Variants in AADAT observed in about 807,000 individuals in gnomAD.
The protein encoded by AADAT is kynurenine/alpha-aminoadipate aminotransferase, mitochondrial.
AADAT carries 25 observed loss-of-function variants against 56.2 expected under a neutral mutation model. That is an observed-to-expected ratio of 0.44 (90% CI 0.32 to 0.62). The LOEUF is 0.62. Ranked by LOEUF, AADAT falls within the 20% of genes least tolerant of loss-of-function variation. The probability of loss-of-function intolerance (pLI) is 0.04; values close to 1 mark genes in which losing one functional copy is unlikely to be tolerated. For missense variants in AADAT, 387 were observed against 510.5 expected, an observed-to-expected ratio of 0.76 and a Z score of 2.33; for synonymous variants, 173 against 164.7, an observed-to-expected ratio of 1.05 and a Z score of -0.39.
rs1731140109 is a variant in AADAT at position 170,060,401 on chromosome 4, C to T, written c.*527G>A. 1 of 152,158 alleles carries T rather than the reference C, an allele frequency of 6.6e-6. No homozygotes were observed. The highest frequency in any genetic ancestry group is 6.5e-5 in the Admixed American group (1 of 15,278). The allele number at this position is 152,158 out of a possible 1,614,324, so 9.4% of individuals were successfully genotyped here. ...TTATATACCATTTTGCACTTAATTA[C>T]TTCTTTAAAATCTCAAAATAATTCA... On this transcript the variant is annotated 3_prime_UTR_variant, in exon 13 of 13. Coordinates refer to ENST00000337664, the MANE Select transcript of AADAT (RefSeq NM_016228.4).
rs779949091 is a variant in AADAT, at chr4:170,087,265, A to C, written c.237-17T>G. 5.0e-6 allele frequency: 8 copies of C among 1,605,226 alleles called. No homozygotes were observed. The highest frequency in any genetic ancestry group is 6.8e-6 in the Non-Finnish European group (8 of 1,175,088). ...TCTGGAATTCTAAAGCAAAAAATGTATATTTAAATTCATAGTAGTAAAAAT... is the reference window on the plus strand; with the variant it reads ...TCTGGAATTCTAAAGCAAAAAATGTCTATTTAAATTCATAGTAGTAAAAAT... On this transcript the variant is annotated splice_polypyrimidine_tract_variant and intron_variant, in intron 2 of 12. Coordinates refer to ENST00000337664, the MANE Select transcript of AADAT (RefSeq NM_016228.4).
chr4:170,070,050 T>C (rs775532494), intron 6 of AADAT, among the ~76,000 whole-genome samples: 3 of 152,114 alleles, frequency 2.0e-5, no homozygotes, highest in African/African-American at 7.2e-5. Context: ...AGGACATAAA[T>C]GACAGGGTGG....
chr4:170,066,045 A>G (rs112985004), intron 10 of AADAT, among the ~76,000 whole-genome samples: 9,237 of 152,310 alleles, frequency 0.061, 380 homozygotes, highest in Non-Finnish European at 0.092. Flanking sequence ...TCAGTAAGAC[A>G]TCTGCCTTTG....
intron 1 of AADAT, 54 bp downstream of exon 1, chr4:170,089,570 G>C (rs767167033): frequency 5.0e-6 from 8 of 1,605,696 alleles, no homozygotes; most frequent in South Asian, 4.4e-5. Flanking sequence ...CCTCCTTAGA[G>C]GCTGTGCGAG....
Position 170,088,544 on chromosome 4 carries a change from G to C in AADAT, c.88C>G (p.Pro30Ala). 1 of 1,612,808 alleles carries C rather than the reference G, an allele frequency of 6.2e-7. No homozygotes were observed. The highest frequency in any genetic ancestry group is 8.5e-7 in the Non-Finnish European group (1 of 1,178,936). ...RTMTDILSRG[P>A]KSMISLAGGL... Reference sequence around the variant, plus strand: ...CCAGCCAAGGAGATCATCGATTTTGGTCCTCTGCTCAATATGTCAGCTACA... The same window carrying C: ...CCAGCCAAGGAGATCATCGATTTTGCTCCTCTGCTCAATATGTCAGCTACA... Residue 30 changes from proline (P) to alanine (A), a missense_variant, in exon 2 of 13, where the codon CCA becomes GCA. Pro to Ala is a conservative substitution (Grantham distance 27). Transcript: ENST00000337664.
At chr4:170,074,555 G>A (rs980009815) in intron 4 of AADAT, among the ~76,000 whole-genome samples, 1 of 152,060 alleles carries the variant, frequency 6.6e-6, no homozygotes, top group Non-Finnish European at 1.5e-5. Flanking sequence ...CACAAGCAGA[G>A]GTGATATTAA....
At chr4:170,085,664 A>T (rs1485093899) in intron 3 of AADAT, among the ~76,000 whole-genome samples, 1 of 152,196 alleles carries the variant, frequency 6.6e-6, no homozygotes, top group Non-Finnish European at 1.5e-5. Flanking sequence ...TTATTTCATT[A>T]AAAAATACTC....
At position 170,060,647 on chromosome 4, in the gene AADAT, A is replaced by G. The variant is rs1187088192; in HGVS notation, c.*281T>C. The G allele has an allele frequency of 3.6e-6, 1 of 276,978 alleles. No homozygotes were observed. Among genetic ancestry groups the G allele is most frequent in the Admixed American group, 5.2e-5 (1 of 19,124 alleles). The allele number at this position is 276,978 out of a possible 1,614,324, so 17.2% of individuals were successfully genotyped here. A position where few individuals can be genotyped will look rare whatever the true frequency, so the allele number is the denominator to read the frequency against. On this transcript the variant is annotated 3_prime_UTR_variant, in exon 13 of 13. Coordinates refer to ENST00000337664, the MANE Select transcript of AADAT (RefSeq NM_016228.4). ...GATAGGACATGTTTGAGGAAATTTA[A>G]TCTTTAAGTCTAATACCAGTGTTCA... is the stretch of plus-strand genomic sequence containing the variant.
intron 3 of AADAT, among the ~76,000 whole-genome samples, chr4:170,081,941 A>G (rs539641879): frequency 1.3e-5 from 2 of 152,358 alleles, no homozygotes; most frequent in South Asian, 4.1e-4. Flanking sequence ...TGATGGAGAG[A>G]TAAAGTCTTT....
rs1731985939 is a variant in AADAT, at chr4:170,075,442, C to CT, written c.445-2098dup. Among the ~76,000 whole-genome samples, 3 of 152,062 alleles carry CT rather than the reference C, an allele frequency of 2.0e-5. No individual in the cohort carries two copies. The South Asian group carries it at 6.2e-4, about 31-fold the overall frequency. On this transcript the variant is annotated intron_variant, in intron 4 of 12. Transcript: ENST00000337664. ...ACCATGCTCCTGGGCTCAAGCAATC[C>CT]TTACACCTCAGTCTTCTGCCTGGTT...
At chr4:170,090,024 C>G (rs1236356188), upstream of AADAT, 1 of 158,188 alleles carries the variant, frequency 6.3e-6, no homozygotes, top group Non-Finnish European at 1.4e-5. Context: ...CCGCCCCGCG[C>G]CGTGGCCTAT....
chr4:170,093,340 G>A (rs190305025), upstream of AADAT, among the ~76,000 whole-genome samples: 61 of 152,218 alleles, frequency 4.0e-4, no homozygotes, highest in Middle Eastern at 3.4e-3. Flanking sequence ...TGAGGCATGA[G>A]CATTTTTCGA....
intron 10 of AADAT, among the ~76,000 whole-genome samples, chr4:170,065,924 TTAA>T (rs1731437993): frequency 1.3e-5 from 2 of 152,240 alleles, no homozygotes; most frequent in African/African-American, 4.8e-5. Context: ...AGCCATATGA[TTAA>T]TTTGACCTTC....
intron 9 of AADAT, 121 bp downstream of exon 9, chr4:170,067,206 T>C: frequency 1.4e-6 from 1 of 731,834 alleles, no homozygotes; most frequent in South Asian, 2.0e-5. Context: ...AGACCGTTCC[T>C]ATTGTCTCTC....
chr4:170,088,681 G>A (rs1252287552), intron 1 of AADAT, 117 bp from the exon 2 acceptor site: 2 of 1,062,140 alleles, frequency 1.9e-6, no homozygotes, highest in Admixed American at 2.1e-5. Context: ...GTGATAGAGT[G>A]TGCTATGGTC....
chr4:170,090,822 A>C (rs1732792555), upstream of AADAT, among the ~76,000 whole-genome samples: 1 of 152,212 alleles, frequency 6.6e-6, no homozygotes, highest in East Asian at 1.9e-4. Context: ...TTGACTTTAA[A>C]AAATTCTTTA....
At chr4:170,084,124 A>G (rs900267234) in intron 3 of AADAT, among the ~76,000 whole-genome samples, 3 of 152,218 alleles carry the variant, frequency 2.0e-5, no homozygotes, top group African/African-American at 7.2e-5. Flanking sequence ...TAAGTGAAAT[A>G]AGCCAAGTAT....
intron 1 of AADAT, 181 bp downstream of exon 1, chr4:170,089,443 C>A: frequency 1.5e-6 from 1 of 684,086 alleles, no homozygotes; most frequent in Non-Finnish European, 2.5e-6. Context: ...CGTTTCAGCC[C>A]GAGTTCTTTG....
chr4:170,081,294 C>A (rs1020296507), intron 3 of AADAT, among the ~76,000 whole-genome samples: 9 of 152,004 alleles, frequency 5.9e-5, no homozygotes, highest in East Asian at 3.9e-4. Flanking sequence ...ACAAAGAGTG[C>A]CTACGAAATA....
Sources: gnomAD v4.1 joint callset for allele counts (sites outside exome capture counted in the v4.1 genomes callset) on GRCh38, gnomAD v4.1.1 for gene constraint, MANE v1.5 for transcripts, NCBI Gene and HGNC (gene_info 2026-07-23, HGNC 2026-07-21) for gene names.